The following NTM variants were observed in gnomAD, a reference collection of about 807,000 sequenced individuals.
The protein encoded by NTM is IgLON family member 2.
Under a neutral mutation model 42.1 loss-of-function variants are expected in NTM, and 13 were observed. That is an observed-to-expected ratio of 0.31 (90% CI 0.20 to 0.49). The LOEUF is 0.49. Among genes scored for constraint, NTM ranks in the 20% least tolerant of loss-of-function variants. The pLI is 0.99. For missense variants in NTM, 373 were observed against 452.8 expected, an observed-to-expected ratio of 0.82 and a Z score of 1.60; for synonymous variants, 187 against 179.2, an observed-to-expected ratio of 1.04 and a Z score of -0.35.
intron 4 of NTM, among the ~76,000 whole-genome samples, chr11:132,307,355 C>G (rs1001170292): frequency 6.6e-6 from 1 of 152,136 alleles, no homozygotes; most frequent in Non-Finnish European, 1.5e-5. Flanking sequence ...GTGCCTGACT[C>G]AGATCCCAGA....
chr11:131,504,684 G>A (rs549660689), intron 1 of NTM, among the ~76,000 whole-genome samples: 6 of 152,070 alleles, frequency 3.9e-5, no homozygotes, highest in East Asian at 1.9e-4. Context: ...CCTGGCCTGC[G>A]TGCTCCATGG....
intron 2 of NTM, among the ~76,000 whole-genome samples, chr11:132,039,053 C>G (rs1185851586): frequency 6.6e-6 from 1 of 152,170 alleles, no homozygotes. Flanking sequence ...ACACTGGTGT[C>G]CATGGGGTGT....
At chr11:131,693,490 C>T (rs2075046739) in intron 1 of NTM, among the ~76,000 whole-genome samples, 1 of 152,128 alleles carries the variant, frequency 6.6e-6, no homozygotes, top group Non-Finnish European at 1.5e-5. Flanking sequence ...GGCATGGCTT[C>T]CAAACACGAA....
At chr11:131,658,735 C>T (rs758181829) in intron 1 of NTM, among the ~76,000 whole-genome samples, 5 of 152,076 alleles carry the variant, frequency 3.3e-5, no homozygotes, top group Admixed American at 6.5e-5. Flanking sequence ...TTTGGGAGGC[C>T]GAGGTGGGCG....
intron 1 of NTM, among the ~76,000 whole-genome samples, chr11:131,775,414 ACTTCT>A (rs1255403980): frequency 6.6e-6 from 1 of 152,204 alleles, no homozygotes. Flanking sequence ...CTGGAAGTGG[ACTTCT>A]CTGCCAGGCA....
chr11:131,631,521 C>T (rs2063656959), intron 1 of NTM, among the ~76,000 whole-genome samples: 1 of 152,072 alleles, frequency 6.6e-6, no homozygotes. Flanking sequence ...TTTAAAACTA[C>T]GTTTTCAATA....
chr11:131,992,513 C>T (rs1197260471), intron 2 of NTM, among the ~76,000 whole-genome samples: 1 of 151,910 alleles, frequency 6.6e-6, no homozygotes, highest in Non-Finnish European at 1.5e-5. Flanking sequence ...AACTTTGCTT[C>T]AAAAACAGGC....
At chr11:132,054,836 G>A (rs538154850) in intron 2 of NTM, among the ~76,000 whole-genome samples, 1 of 152,302 alleles carries the variant, frequency 6.6e-6, no homozygotes, top group Admixed American at 6.5e-5. Context: ...AGCAAATCTA[G>A]GCACATAATT....
In NTM at chr11:131,749,041, C is replaced by A. The variant is rs530598977; in HGVS notation, c.83-162523C>A. 1.8e-4 allele frequency among the ~76,000 whole-genome samples: 28 copies of A among 152,324 alleles called. No homozygotes were observed. In the South Asian group the frequency reaches 4.6e-3, roughly 25 times the overall value. On this transcript the variant is annotated intron_variant, in intron 1 of 8. Transcript: ENST00000683400. ...CTCAGCACTTAGATCATGACCATTG[C>A]ACTTAAATAATCAACACTCTTTGGG...
intron 1 of NTM, among the ~76,000 whole-genome samples, chr11:131,780,114 G>A (rs113081825): frequency 0.014 from 2,118 of 152,318 alleles, 16 homozygotes; most frequent in Non-Finnish European, 0.02. Context: ...TAATGAAATG[G>A]TTTAAGTTGG....
chr11:131,929,886 G>A (rs541133335), intron 2 of NTM, among the ~76,000 whole-genome samples: 4 of 152,204 alleles, frequency 2.6e-5, no homozygotes, highest in South Asian at 2.1e-4. Flanking sequence ...GCTGAAATCC[G>A]TGAAATGTCC....
chr11:131,371,404 A>C (rs915086306), intron 1 of NTM, among the ~76,000 whole-genome samples: 1 of 152,218 alleles, frequency 6.6e-6, no homozygotes. Flanking sequence ...TCCAGCTGCA[A>C]GGGATGAGTC....
chr11:132,121,352 C>T (rs138371259), intron 2 of NTM, among the ~76,000 whole-genome samples: 3,813 of 151,712 alleles, frequency 0.025, 72 homozygotes, highest in Middle Eastern at 0.1. Context: ...AAAGTTGTAC[C>T]GACTGTAGAT....
chr11:131,626,500 C>T (rs1201947718), intron 1 of NTM, among the ~76,000 whole-genome samples: 2 of 152,168 alleles, frequency 1.3e-5, no homozygotes, highest in Non-Finnish European at 2.9e-5. Context: ...CAAAGGGTGG[C>T]AGCTTACCTC....
intron 5 of NTM, among the ~76,000 whole-genome samples, chr11:132,308,818 C>T (rs2095186299): frequency 6.6e-6 from 1 of 151,912 alleles, no homozygotes; most frequent in Non-Finnish European, 1.5e-5. Flanking sequence ...TACAAAGGGA[C>T]TTAAGAGGAT....
At chr11:132,178,950 G>C (rs1054012348) in intron 3 of NTM, among the ~76,000 whole-genome samples, 1 of 152,134 alleles carries the variant, frequency 6.6e-6, no homozygotes, top group Non-Finnish European at 1.5e-5. Context: ...CAGTTATTCA[G>C]TTCAAACAAT....
intron 1 of NTM, chr11:131,767,066 T>C: frequency 3.0e-6 from 2 of 659,138 alleles, no homozygotes; most frequent in Non-Finnish European, 3.8e-6. Flanking sequence ...GTCATCTCTC[T>C]GTGTGTGTCT....
intron 1 of NTM, among the ~76,000 whole-genome samples, chr11:131,721,010 G>A (rs983557912): frequency 6.6e-6 from 1 of 151,876 alleles, no homozygotes; most frequent in Non-Finnish European, 1.5e-5. Context: ...TTCTTATCTA[G>A]AGTTAATGGG....
chr11:131,748,029 A>G (rs1232120646), intron 1 of NTM, among the ~76,000 whole-genome samples: 1 of 152,240 alleles, frequency 6.6e-6, no homozygotes, highest in Non-Finnish European at 1.5e-5. Flanking sequence ...CTTTCTTAGC[A>G]GAATCCATTA....
Sources: allele counts gnomAD v4.1 joint callset (sites outside exome capture counted in the v4.1 genomes callset), GRCh38; gene constraint gnomAD v4.1.1; transcripts MANE v1.5; gene names NCBI Gene and HGNC (gene_info 2026-07-23, HGNC 2026-07-21).